The following GRIN2B variants were observed in gnomAD, a reference collection of about 807,000 sequenced individuals.
GRIN2B encodes the protein glutamate ionotropic receptor NMDA type subunit 2B.
In GRIN2B, 5 loss-of-function variants were observed where a neutral mutation model predicts 114.5. That is an observed-to-expected ratio of 0.04 (90% CI 0.02 to 0.09). GRIN2B has a LOEUF of 0.09. GRIN2B is among the 10% of genes least tolerant of loss of function. The probability of loss-of-function intolerance (pLI) is 1.00; values close to 1 mark genes in which losing one functional copy is unlikely to be tolerated. For missense variants in GRIN2B, 1,108 were observed against 1,943.5 expected (o/e 0.57, Z 8.08); for synonymous variants, 787 against 745.1 (o/e 1.06, Z -0.92).
At chr12:13,916,150 T>G in intron 2 of GRIN2B, among the ~76,000 whole-genome samples, 1 of 152,174 alleles carries the variant, frequency 6.6e-6, no homozygotes, top group Non-Finnish European at 1.5e-5. Context: ...GCTGGGGGAC[T>G]TTTTGAAAAT....
intron 2 of GRIN2B, among the ~76,000 whole-genome samples, chr12:13,886,105 G>C (rs190956966): frequency 3.3e-5 from 5 of 152,310 alleles, no homozygotes; most frequent in Middle Eastern, 6.8e-3. Context: ...TCTCAGAGCA[G>C]TGTTTTTCCA....
intron 4 of GRIN2B, among the ~76,000 whole-genome samples, chr12:13,730,272 A>T (rs1437918397): frequency 6.6e-6 from 1 of 152,214 alleles, no homozygotes; most frequent in African/African-American, 2.4e-5. Context: ...ATTTTTAATG[A>T]TTACACTTTC....
intron 2 of GRIN2B, among the ~76,000 whole-genome samples, chr12:13,888,924 A>G (rs1866211781): frequency 6.6e-6 from 1 of 152,114 alleles, no homozygotes; most frequent in Non-Finnish European, 1.5e-5. Flanking sequence ...CTTCATAAAC[A>G]TTGAATACTT....
In GRIN2B at chr12:13,556,358, G is replaced by T. The variant is rs1765352324; in HGVS notation, c.*6425C>A. The T allele has an allele frequency of 6.6e-6, 1 of 152,048 alleles. No individual in the cohort carries two copies. Among genetic ancestry groups the T allele is most frequent in the Non-Finnish European group, 1.5e-5 (1 of 68,008 alleles). The allele number at this position is 152,048 out of a possible 1,614,324, so 9.4% of individuals were successfully genotyped here. On this transcript the variant is annotated 3_prime_UTR_variant, in exon 14 of 14. Coordinates refer to ENST00000609686, the MANE Select transcript of GRIN2B (RefSeq NM_000834.5). ...ATACATTTACATATTTTATACTTATGCTTTCATATATTCTACGTGAGTACA... is the reference window on the plus strand; with the variant it reads ...ATACATTTACATATTTTATACTTATTCTTTCATATATTCTACGTGAGTACA...
chr12:13,648,163 G>A (rs1022946261), intron 5 of GRIN2B, among the ~76,000 whole-genome samples: 1 of 152,004 alleles, frequency 6.6e-6, no homozygotes, highest in Non-Finnish European at 1.5e-5. Flanking sequence ...CACATACGGA[G>A]TAGTATAAAC....
At chr12:13,802,082 G>A (rs17761280) in intron 3 of GRIN2B, among the ~76,000 whole-genome samples, 6,917 of 152,124 alleles carry the variant, frequency 0.045, 218 homozygotes, top group Admixed American at 0.069. Context: ...ATCCTGCCCT[G>A]AAGGAGTCTG....
intron 10 of GRIN2B, among the ~76,000 whole-genome samples, chr12:13,604,367 A>G (rs1161469245): frequency 6.6e-6 from 1 of 152,200 alleles, no homozygotes; most frequent in Non-Finnish European, 1.5e-5. Flanking sequence ...CACAAATGAA[A>G]TCTGAGTACA....
rs919983872 is a variant in GRIN2B at position 13,899,839 on chromosome 12, AT to A, written c.-18-33614del. On this transcript the variant is annotated intron_variant, in intron 2 of 13. Transcript: ENST00000609686. ...TTTATAGAAGACAGTATATGTACAA[AT>A]TTTTTTAATTGAGGAATAATTTCAC... Among the ~76,000 whole-genome samples the A allele has an allele frequency of 7.3e-5, 11 of 151,204 alleles. 2 individuals are homozygous for A. Among genetic ancestry groups the A allele is most frequent in the African/African-American group, 1.5e-4 (6 of 41,362 alleles).
intron 3 of GRIN2B, among the ~76,000 whole-genome samples, chr12:13,863,769 C>T (rs567260664): frequency 1.3e-5 from 2 of 152,240 alleles, no homozygotes; most frequent in African/African-American, 4.8e-5. Context: ...GAGAAGCAAT[C>T]AGCTAGTTTA....
chr12:13,569,379 A>C (rs2270359), intron 12 of GRIN2B, among the ~76,000 whole-genome samples: 76,123 of 152,034 alleles, frequency 0.5, 19,339 homozygotes, highest in Middle Eastern at 0.62. Flanking sequence ...CATTCTTAAG[A>C]AAAAGGGAAA....
At chr12:13,808,325 A>C (rs1333331338) in intron 3 of GRIN2B, among the ~76,000 whole-genome samples, 1 of 152,104 alleles carries the variant, frequency 6.6e-6, no homozygotes, top group Admixed American at 6.6e-5. Flanking sequence ...AATTCACACA[A>C]CTTTCTGGTA....
chr12:13,570,542 C>T (rs1467026348), intron 11 of GRIN2B, among the ~76,000 whole-genome samples: 1 of 152,012 alleles, frequency 6.6e-6, no homozygotes, highest in African/African-American at 2.4e-5. Context: ...GAGGTGGTGG[C>T]AGTACAGGCT....
chr12:13,740,146 G>C (rs564696230), intron 4 of GRIN2B, among the ~76,000 whole-genome samples: 1 of 152,134 alleles, frequency 6.6e-6, no homozygotes, highest in African/African-American at 2.4e-5. Flanking sequence ...TTGGATCAGA[G>C]GTACCAGGAA....
At chr12:13,950,686 C>T (rs1867464237) in intron 2 of GRIN2B, among the ~76,000 whole-genome samples, 1 of 152,184 alleles carries the variant, frequency 6.6e-6, no homozygotes, top group South Asian at 2.1e-4. Flanking sequence ...CAGATTCCTG[C>T]ACGACAGTAA....
intron 2 of GRIN2B, among the ~76,000 whole-genome samples, chr12:13,948,726 G>A (rs1867414097): frequency 6.6e-6 from 1 of 152,092 alleles, no homozygotes; most frequent in African/African-American, 2.4e-5. Context: ...AGCATGCCAA[G>A]GATGGTGTGT....
chr12:13,798,492 G>T (rs889528655), intron 3 of GRIN2B, among the ~76,000 whole-genome samples: 23 of 151,712 alleles, frequency 1.5e-4, no homozygotes, highest in African/African-American at 5.6e-4. Context: ...CACCATATAG[G>T]GTAGTATGAG....
intron 3 of GRIN2B, among the ~76,000 whole-genome samples, chr12:13,804,899 A>G (rs1015106537): frequency 6.6e-6 from 1 of 152,122 alleles, no homozygotes; most frequent in Admixed American, 6.5e-5. Context: ...TAGTGTGCAC[A>G]GTGGCATCTT....
intron 2 of GRIN2B, among the ~76,000 whole-genome samples, chr12:13,934,030 G>A (rs887599121): frequency 2.0e-5 from 3 of 151,924 alleles, no homozygotes; most frequent in Non-Finnish European, 2.9e-5. Context: ...GAGACTATAT[G>A]CACATAGAGG....
chr12:13,856,472 C>T (rs1012903666), intron 3 of GRIN2B, among the ~76,000 whole-genome samples: 9 of 151,990 alleles, frequency 5.9e-5, no homozygotes, highest in African/African-American at 1.2e-4. Context: ...GTCACTGCAG[C>T]GTGTATGGAG....
Sources: allele counts gnomAD v4.1 joint callset (sites outside exome capture counted in the v4.1 genomes callset), GRCh38; gene constraint gnomAD v4.1.1; transcripts MANE v1.5; gene names NCBI Gene and HGNC (gene_info 2026-07-23, HGNC 2026-07-21).